The following TRPC5 variants were observed in gnomAD, a reference collection of about 807,000 sequenced individuals.
The protein encoded by TRPC5 is short transient receptor potential channel 5.
TRPC5 carries 9 observed loss-of-function variants against 56.5 expected under a neutral mutation model. The ratio of observed to expected loss-of-function variants is 0.16; its 90% CI spans 0.10 to 0.28. The LOEUF is 0.28. Among genes scored for constraint, TRPC5 ranks in the 10% least tolerant of loss-of-function variants. TRPC5 has a pLI of 1.00. For missense variants in TRPC5, 469 were observed against 748.9 expected, an observed-to-expected ratio of 0.63 and a Z score of 4.36; for synonymous variants, 282 against 278.5, an observed-to-expected ratio of 1.01 and a Z score of -0.13.
At chrX:111,844,510 G>T (rs987170502) in intron 6 of TRPC5, among the ~76,000 whole-genome samples, 1 of 103,508 alleles carries the variant, frequency 9.7e-6, no homozygotes, top group Non-Finnish European at 2.0e-5. Context: ...GCCCAGGCTG[G>T]AGTGGAGTGC....
rs944082094 is a variant in TRPC5, at chrX:111,870,902, G to T, written c.901-16796C>A. 2.3e-4 allele frequency among the ~76,000 whole-genome samples: 26 copies of T among 111,436 alleles called. 1 individual carries two copies. The highest frequency in any genetic ancestry group is 1.3e-4 in the Non-Finnish European group (7 of 53,103). Reference sequence around the variant, plus strand: ...AAGACACAGGATGTGGTCAGGTACTGCAGATCCTGAAGGGTTGGGGTATGT... The same window carrying T: ...AAGACACAGGATGTGGTCAGGTACTTCAGATCCTGAAGGGTTGGGGTATGT... On this transcript the variant is annotated intron_variant, in intron 3 of 10. Coordinates refer to ENST00000262839, the MANE Select transcript of TRPC5 (RefSeq NM_012471.3).
rs1292628630 is a variant in TRPC5, at chrX:111,787,500, G to A, written c.1897-5362C>T. On this transcript the variant is annotated intron_variant, in intron 7 of 10. Transcript: ENST00000262839. ...CCTAACATCACAATTAAAAGAACTA[G>A]AGAAGCAAGAGCAAACAAATTCAAA... Among the ~76,000 whole-genome samples, 12 of 108,082 alleles carry A rather than the reference G, an allele frequency of 1.1e-4. No individual in the cohort carries two copies. In the East Asian group the frequency reaches 3.2e-3, roughly 29 times the overall value. The allele number at this position is 108,082 out of a possible 115,157, so 93.9% of individuals were successfully genotyped here. A position where few individuals can be genotyped will look rare whatever the true frequency, so the allele number is the denominator to read the frequency against.
rs140256560 is a variant in TRPC5 at position 111,831,970 on chromosome X, G to T, written c.1896+2951C>A. 7.8e-4 allele frequency among the ~76,000 whole-genome samples: 87 copies of T among 111,962 alleles called. No individual in the cohort carries two copies. In the East Asian group the frequency reaches 0.017, roughly 22 times the overall value. The stretch of plus-strand genomic sequence containing the variant: ...AGCTTGTGCCTATACATCAGGGACA[G>T]CAGTGACAAGGTAGATGTATTTTAA... On this transcript the variant is annotated intron_variant, in intron 7 of 10. Coordinates refer to ENST00000262839, the MANE Select transcript of TRPC5 (RefSeq NM_012471.3).
chrX:112,051,216 C>T (rs981352872), intron 1 of TRPC5, among the ~76,000 whole-genome samples: 3 of 112,248 alleles, frequency 2.7e-5, no homozygotes, highest in Non-Finnish European at 3.8e-5. Context: ...GTAACTCCTT[C>T]GAGGTTTCAT....
chrX:112,008,616 T>A (rs1335857896), intron 1 of TRPC5, among the ~76,000 whole-genome samples: 71 of 103,718 alleles, frequency 6.8e-4, no homozygotes, highest in African/African-American at 2.5e-3. Context: ...AAAAAAAAAA[T>A]ATAGAGAGAA....
Position 111,769,286 on chromosome X carries a change from C to G in TRPC5, c.*7027G>C, listed in dbSNP as rs1439597485. ...GAGGAGTCAATTCTGAGTTTATTTACAGCATAAGCCATTGGAACTCAATGT... is the reference window on the plus strand; with the variant it reads ...GAGGAGTCAATTCTGAGTTTATTTAGAGCATAAGCCATTGGAACTCAATGT... On this transcript the variant is annotated 3_prime_UTR_variant, in exon 11 of 11. Coordinates refer to ENST00000262839, the MANE Select transcript of TRPC5 (RefSeq NM_012471.3). Among the ~76,000 whole-genome samples the G allele has an allele frequency of 8.9e-6, 1 of 112,150 alleles. No individual in the cohort carries two copies. Among genetic ancestry groups the G allele is most frequent in the Non-Finnish European group, 1.9e-5 (1 of 53,213 alleles).
intron 3 of TRPC5, among the ~76,000 whole-genome samples, chrX:111,890,694 T>C (rs1204531888): frequency 1.8e-5 from 2 of 111,931 alleles, no homozygotes; most frequent in Non-Finnish European, 3.8e-5. Flanking sequence ...AAGAATCAGG[T>C]TCTTTTTAAA....
intron 1 of TRPC5, among the ~76,000 whole-genome samples, chrX:111,985,974 G>C (rs1310813536): frequency 2.7e-5 from 3 of 111,858 alleles, no homozygotes; most frequent in Non-Finnish European, 5.6e-5. Context: ...CTACAGAGAA[G>C]AGCAACCACA....
chrX:111,981,368 T>G (rs1158993236), intron 1 of TRPC5, among the ~76,000 whole-genome samples: 2 of 111,477 alleles, frequency 1.8e-5, no homozygotes, highest in African/African-American at 6.5e-5. Flanking sequence ...GGCCTTCAAC[T>G]GATTGGATTG....
chrX:112,007,421 G>T (rs1928871453), intron 1 of TRPC5, among the ~76,000 whole-genome samples: 1 of 110,784 alleles, frequency 9.0e-6, no homozygotes, highest in Admixed American at 9.6e-5. Context: ...AGATTTAAGA[G>T]ATTTTTTTAG....
chrX:111,799,364 C>A, intron 7 of TRPC5, among the ~76,000 whole-genome samples: 1 of 111,401 alleles, frequency 9.0e-6, no homozygotes, highest in South Asian at 3.8e-4. Flanking sequence ...AAGGGATTGC[C>A]TTTTAAAGAT....
chrX:112,082,021 A>G lies in TRPC5; in HGVS notation c.-164T>C, dbSNP rs1435005241. On this transcript the variant is annotated 5_prime_UTR_variant, in exon 1 of 11. Transcript: ENST00000262839. ...GGGACAGCCCGGGGCCTCTAGGCTG[A>G]TGGGTGGGTGGGCGGATGAGCACAG... 2.7e-5 allele frequency: 3 copies of G among 110,612 alleles called. No homozygotes were observed. The highest frequency in any genetic ancestry group is 9.8e-5 in the African/African-American group (3 of 30,460). The allele number at this position is 110,612 out of a possible 1,213,427, so 9.1% of individuals were successfully genotyped here.
At chrX:111,796,746 C>G (rs1921109110) in intron 7 of TRPC5, among the ~76,000 whole-genome samples, 1 of 109,232 alleles carries the variant, frequency 9.2e-6, no homozygotes, top group Admixed American at 9.8e-5. Context: ...CAAGATTAGC[C>G]AGAAGGGAGA....
intron 1 of TRPC5, among the ~76,000 whole-genome samples, chrX:111,970,533 G>A (rs922891483): frequency 9.0e-6 from 1 of 111,224 alleles, no homozygotes; most frequent in Non-Finnish European, 1.9e-5. Flanking sequence ...CCTGCAAAGT[G>A]GTTAATTCTG....
chrX:111,872,953 T>G (rs1219088806), intron 3 of TRPC5, among the ~76,000 whole-genome samples: 2 of 112,277 alleles, frequency 1.8e-5, no homozygotes, highest in Non-Finnish European at 3.8e-5. Flanking sequence ...GTTTGGAGAT[T>G]TCTTAAAGAA....
At chrX:112,067,228 G>T (rs1460669065) in intron 1 of TRPC5, among the ~76,000 whole-genome samples, 1 of 112,200 alleles carries the variant, frequency 8.9e-6, no homozygotes, top group Non-Finnish European at 1.9e-5. Flanking sequence ...TAGATATTTT[G>T]CAGGGTCCCC....
At chrX:111,969,203 A>T (rs968709859) in intron 1 of TRPC5, among the ~76,000 whole-genome samples, 2 of 111,000 alleles carry the variant, frequency 1.8e-5, no homozygotes, top group Non-Finnish European at 3.8e-5. Context: ...ATAATCGTTA[A>T]CATTTTTTAG....
chrX:112,025,611 A>G (rs1299633847), intron 1 of TRPC5, among the ~76,000 whole-genome samples: 2 of 111,505 alleles, frequency 1.8e-5, no homozygotes, highest in Admixed American at 1.9e-4. Flanking sequence ...TTTGTTTGTA[A>G]TATAGTTCAC....
At chrX:111,988,173 C>A (rs1251938066) in intron 1 of TRPC5, among the ~76,000 whole-genome samples, 1 of 111,798 alleles carries the variant, frequency 8.9e-6, no homozygotes, top group Admixed American at 9.5e-5. Context: ...GGGTTTCTAC[C>A]TCTAAAGCAG....
Sources: allele counts gnomAD v4.1 joint callset (sites outside exome capture counted in the v4.1 genomes callset), GRCh38; gene constraint gnomAD v4.1.1; transcripts MANE v1.5; gene names NCBI Gene and HGNC (gene_info 2026-07-23, HGNC 2026-07-21).